KCNG3: variants seen among roughly 807,000 people sequenced by gnomAD.
The protein encoded by KCNG3 is voltage-gated potassium channel regulatory subunit KCNG3.
Under a neutral mutation model 29.0 loss-of-function variants are expected in KCNG3, and 15 were observed. The observed-to-expected ratio is 0.52, with a 90% CI of 0.35 to 0.80. The LOEUF is 0.80. KCNG3 is among the 30% of genes least tolerant of loss of function. The probability of loss-of-function intolerance (pLI) is 0.01; values close to 1 mark genes in which losing one functional copy is unlikely to be tolerated. For synonymous variants in KCNG3, 322 were observed against 248.9 expected, an observed-to-expected ratio of 1.29 and a Z score of -2.76; for missense variants, 512 against 605.7, an observed-to-expected ratio of 0.85 and a Z score of 1.62.
the KCNG3 span, among the ~76,000 whole-genome samples, chr2:42,396,583 T>C: frequency 2.0e-5 from 3 of 152,180 alleles, no homozygotes; most frequent in African/African-American, 7.2e-5. Flanking sequence ...CATTTCTACC[T>C]GAGTCCACAA....
chr2:42,478,123 C>A (rs1449989796), intron 1 of KCNG3, among the ~76,000 whole-genome samples: 1 of 152,108 alleles, frequency 6.6e-6, no homozygotes, highest in Non-Finnish European at 1.5e-5. Flanking sequence ...CCTTTAAAAC[C>A]ATGGTTCTCA....
At chr2:42,458,424 G>A (rs1465606375) in intron 1 of KCNG3, among the ~76,000 whole-genome samples, 2 of 152,032 alleles carry the variant, frequency 1.3e-5, no homozygotes, top group African/African-American at 4.8e-5. Context: ...AGAGGTACCA[G>A]ATTCACATTC....
the KCNG3 span, among the ~76,000 whole-genome samples, chr2:42,413,512 T>C: frequency 2.7e-3 from 417 of 152,324 alleles, 3 homozygotes; most frequent in South Asian, 9.7e-3. Context: ...CTTCTAATGA[T>C]TAAGAAGTTA....
the KCNG3 span, among the ~76,000 whole-genome samples, chr2:42,417,424 G>A: frequency 6.6e-6 from 1 of 151,930 alleles, no homozygotes; most frequent in Admixed American, 6.6e-5. Context: ...AGGCTCAAGT[G>A]ATCCTCCTGC....
chr2:42,473,365 T>G (rs542845790), intron 1 of KCNG3, among the ~76,000 whole-genome samples: 2 of 152,038 alleles, frequency 1.3e-5, no homozygotes, highest in East Asian at 3.9e-4. Context: ...TTTGTTTGTT[T>G]TTTTGAGACA....
chr2:42,452,903 T>A (rs1023908821), intron 1 of KCNG3, among the ~76,000 whole-genome samples: 8 of 152,116 alleles, frequency 5.3e-5, no homozygotes, highest in Non-Finnish European at 1.0e-4. Context: ...TGCCTCAGCA[T>A]CTTGAGCAGC....
chr2:42,401,698 A>G, the KCNG3 span, among the ~76,000 whole-genome samples: 1 of 152,114 alleles, frequency 6.6e-6, no homozygotes, highest in African/African-American at 2.4e-5. Context: ...CCTGCCTCCC[A>G]AAGTGCTGGG....
At position 42,474,308 on chromosome 2, in the gene KCNG3, A is replaced by G. The variant is rs189242609; in HGVS notation, c.665+18529T>C. On this transcript the variant is annotated intron_variant, in intron 1 of 1. Transcript: ENST00000306078. Reference sequence around the variant, plus strand: ...TTTGGGAGGCCAAGGTGGGCGGATCACCTGAGTTCAGGAGTTCGAGACCAG... The same window carrying G: ...TTTGGGAGGCCAAGGTGGGCGGATCGCCTGAGTTCAGGAGTTCGAGACCAG... 8.7e-3 allele frequency among the ~76,000 whole-genome samples: 1,321 copies of G among 152,026 alleles called. 16 individuals carry two copies. The highest frequency in any genetic ancestry group is 0.031 in the African/African-American group (1,269 of 41,468).
chr2:42,476,060 C>T (rs886746297), intron 1 of KCNG3, among the ~76,000 whole-genome samples: 58 of 151,790 alleles, frequency 3.8e-4, no homozygotes, highest in Non-Finnish European at 2.9e-4. Flanking sequence ...GAGTGAACTC[C>T]GTCTCATATA....
the KCNG3 span, among the ~76,000 whole-genome samples, chr2:42,395,865 A>G: frequency 6.6e-6 from 1 of 152,088 alleles, no homozygotes; most frequent in East Asian, 1.9e-4. Flanking sequence ...GAGGTGGGAC[A>G]CTTGAGCCCA....
the KCNG3 span, among the ~76,000 whole-genome samples, chr2:42,405,693 C>T: frequency 6.6e-6 from 1 of 152,002 alleles, no homozygotes; most frequent in East Asian, 1.9e-4. Flanking sequence ...CTGAAAGCTC[C>T]GCCTCCCGGG....
In KCNG3 at chr2:42,493,055, G is replaced by A. The variant is rs561769844; in HGVS notation, c.447C>T (p.Pro149=). ...GCATGCGCTCCAGCCAGCGCCTGGA[G>A]GGAGCCGCCTCGGCCCCGCCGGGGC... The part of the protein sequence containing the change: ...EARPGGAEAA[P]SRRWLERMRR... The change falls in exon 1 of 2, where the codon CCC becomes CCT. Residue 149 remains proline, a synonymous_variant. Transcript: ENST00000306078. The A allele has an allele frequency of 2.8e-5, 43 of 1,526,884 alleles. No homozygotes were observed. The South Asian group carries it at 4.8e-4, about 17-fold the overall frequency. The allele number at this position is 1,526,884 out of a possible 1,614,324, so 94.6% of individuals were successfully genotyped here.
the KCNG3 span, among the ~76,000 whole-genome samples, chr2:42,402,314 T>C: frequency 6.6e-6 from 1 of 152,206 alleles, no homozygotes; most frequent in East Asian, 1.9e-4. Context: ...ATGAGCCAGT[T>C]CCCTAAATAA....
the KCNG3 span, among the ~76,000 whole-genome samples, chr2:42,426,386 T>C: frequency 6.6e-6 from 1 of 152,216 alleles, no homozygotes; most frequent in Non-Finnish European, 1.5e-5. Context: ...CAAATGATAA[T>C]ACAATCTTTT....
intron 1 of KCNG3, among the ~76,000 whole-genome samples, chr2:42,477,384 T>TACACACACACAC (rs1210187032): frequency 0.022 from 2,282 of 101,776 alleles, 57 homozygotes; most frequent in East Asian, 0.061. Flanking sequence ...CACACACATA[T>TACACACACACAC]ATATACACAC....
intron 1 of KCNG3, among the ~76,000 whole-genome samples, chr2:42,456,459 G>A (rs920297890): frequency 6.6e-6 from 1 of 152,132 alleles, no homozygotes; most frequent in Admixed American, 6.6e-5. Flanking sequence ...CAGGGCTGCA[G>A]TGGGCCATGA....
intron 1 of KCNG3, among the ~76,000 whole-genome samples, chr2:42,449,496 G>A (rs1572842714): frequency 7.2e-6 from 1 of 139,462 alleles, no homozygotes. Flanking sequence ...CTGCTGTTGT[G>A]TTAAGCCACT....
At chr2:42,459,512 G>T (rs1396172616) in intron 1 of KCNG3, among the ~76,000 whole-genome samples, 2 of 152,196 alleles carry the variant, frequency 1.3e-5, no homozygotes, top group East Asian at 3.9e-4. Flanking sequence ...CCTCAAGTCA[G>T]GATGGGATGA....
At chr2:42,478,944 T>C (rs953265454) in intron 1 of KCNG3, among the ~76,000 whole-genome samples, 2 of 147,014 alleles carry the variant, frequency 1.4e-5, no homozygotes, top group Non-Finnish European at 3.0e-5. Context: ...CTAGAAGTAT[T>C]TCAGAGTTTG....
Sources: allele counts gnomAD v4.1 joint callset (sites outside exome capture counted in the v4.1 genomes callset), GRCh38; gene constraint gnomAD v4.1.1; transcripts MANE v1.5; gene names NCBI Gene and HGNC (gene_info 2026-07-23, HGNC 2026-07-21).